The following MAP3K5 variants were observed in gnomAD, a reference collection of about 807,000 sequenced individuals.
The protein encoded by MAP3K5 is mitogen-activated protein kinase kinase kinase 5.
Under a neutral mutation model 158.7 loss-of-function variants are expected in MAP3K5, and 56 were observed. The ratio of observed to expected loss-of-function variants is 0.35; its 90% CI spans 0.28 to 0.44. MAP3K5 has a LOEUF of 0.44. MAP3K5 is among the 20% of genes least tolerant of loss of function. The pLI, the probability that MAP3K5 is intolerant of heterozygous loss-of-function variation, is 1.00. For synonymous variants in MAP3K5, 579 were observed against 601.7 expected (o/e 0.96, Z 0.55); for missense variants, 1,294 against 1,674.8 (o/e 0.77, Z 3.97).
At chr6:136,621,261 T>C (rs1776787995) in intron 15 of MAP3K5, among the ~76,000 whole-genome samples, 1 of 152,194 alleles carries the variant, frequency 6.6e-6, no homozygotes, top group Non-Finnish European at 1.5e-5. Flanking sequence ...CTGTTTTTGA[T>C]CTCCAGCATT....
intron 21 of MAP3K5, chr6:136,592,877 T>C (rs1386405126): frequency 7.5e-6 from 4 of 535,114 alleles, no homozygotes; most frequent in Non-Finnish European, 1.1e-5. Flanking sequence ...GAAGCCCAAG[T>C]TCAGTGGGTC....
intron 13 of MAP3K5, among the ~76,000 whole-genome samples, chr6:136,637,750 C>A (rs1419003535): frequency 6.6e-6 from 1 of 151,920 alleles, no homozygotes; most frequent in Admixed American, 6.6e-5. Flanking sequence ...TGTGACTAGG[C>A]CATTCAGAGA....
At chr6:136,719,795 C>A (rs749700346) in intron 2 of MAP3K5, among the ~76,000 whole-genome samples, 1 of 152,126 alleles carries the variant, frequency 6.6e-6, no homozygotes, top group South Asian at 2.1e-4. Flanking sequence ...GCTCAGCATG[C>A]GATTCACTGA....
At chr6:136,633,303 G>C (rs1161643217) in intron 14 of MAP3K5, among the ~76,000 whole-genome samples, 1 of 152,084 alleles carries the variant, frequency 6.6e-6, no homozygotes, top group East Asian at 1.9e-4. Flanking sequence ...AGAGGCTGCG[G>C]TGGGAGCACT....
At chr6:136,602,030 GC>G in intron 19 of MAP3K5, 51 bp from the exon 20 acceptor site, 2 of 1,468,642 alleles carry the variant, frequency 1.4e-6, no homozygotes, top group South Asian at 2.4e-5. Flanking sequence ...GAACATCTCA[GC>G]ACCTGAACTC....
Position 136,739,131 on chromosome 6 carries a change from C to T in MAP3K5, c.449-18542G>A, listed in dbSNP as rs7770539. 9.0e-3 allele frequency among the ~76,000 whole-genome samples: 1,374 copies of T among 152,250 alleles called. 15 individuals are homozygous for T. The highest frequency in any genetic ancestry group is 0.03 in the African/African-American group (1,263 of 41,516). On this transcript the variant is annotated intron_variant, in intron 1 of 29. Transcript: ENST00000359015. ...AGACAGAACTGATTCGTCAGTGGAG[C>T]TCCCCTGACAAAGTAATGGTGTCTG...
chr6:136,777,112 A>G (rs1349986569), intron 1 of MAP3K5, among the ~76,000 whole-genome samples: 1 of 152,230 alleles, frequency 6.6e-6, no homozygotes, highest in Non-Finnish European at 1.5e-5. Context: ...CAGCAAGAAA[A>G]GTCAAGCCAA....
chr6:136,623,983 C>T (rs1776922535), intron 14 of MAP3K5, among the ~76,000 whole-genome samples: 2 of 152,120 alleles, frequency 1.3e-5, no homozygotes, highest in Admixed American at 6.6e-5. Context: ...CACCTGAGGT[C>T]AGGAGTTTGA....
At chr6:136,759,761 A>ATTTTTTTTTT (rs11317822) in intron 1 of MAP3K5, among the ~76,000 whole-genome samples, 1 of 99,934 alleles carries the variant, frequency 1.0e-5, no homozygotes, top group Non-Finnish European at 2.0e-5. Flanking sequence ...CCAGCCCTCT[A>ATTTTTTTTTT]TTTTTTTTTT....
intron 3 of MAP3K5, among the ~76,000 whole-genome samples, chr6:136,701,164 T>C (rs1780838390): frequency 6.6e-6 from 1 of 152,178 alleles, no homozygotes; most frequent in African/African-American, 2.4e-5. Flanking sequence ...CTAGATGGCA[T>C]GTCCTTCCCA....
intron 23 of MAP3K5, among the ~76,000 whole-genome samples, chr6:136,587,584 C>G (rs1378354753): frequency 2.0e-5 from 3 of 152,138 alleles, no homozygotes; most frequent in Admixed American, 2.0e-4. Flanking sequence ...TCTACTGCCC[C>G]AATGACCTGC....
At chr6:136,670,059 AAACT>A (rs1779416946) in intron 7 of MAP3K5, among the ~76,000 whole-genome samples, 1 of 152,182 alleles carries the variant, frequency 6.6e-6, no homozygotes, top group South Asian at 2.1e-4. Context: ...AAAATGAAAT[AAACT>A]GTCAATTATA....
intron 14 of MAP3K5, among the ~76,000 whole-genome samples, chr6:136,626,450 G>C (rs1777041406): frequency 6.6e-6 from 1 of 152,166 alleles, no homozygotes; most frequent in South Asian, 2.1e-4. Flanking sequence ...AGAGTGACCA[G>C]GTGATAGGTG....
At chr6:136,686,096 A>C (rs1780134622) in intron 7 of MAP3K5, among the ~76,000 whole-genome samples, 1 of 152,250 alleles carries the variant, frequency 6.6e-6, no homozygotes, top group African/African-American at 2.4e-5. Context: ...TTAGTGTTAA[A>C]TAGGACAAAT....
chr6:136,641,039 A>G (rs1359858849), intron 12 of MAP3K5, among the ~76,000 whole-genome samples: 2 of 152,238 alleles, frequency 1.3e-5, no homozygotes, highest in Non-Finnish European at 2.9e-5. Flanking sequence ...AGATATGATA[A>G]AGTGAAATTT....
intron 15 of MAP3K5, among the ~76,000 whole-genome samples, chr6:136,619,520 C>A (rs1217160484): frequency 6.6e-6 from 1 of 152,204 alleles, no homozygotes; most frequent in Admixed American, 6.5e-5. Context: ...CACACATGCA[C>A]AACCTCCCCC....
In MAP3K5 at chr6:136,637,395, A is replaced by G. The variant is rs1777690211; in HGVS notation, c.1946T>C (p.Met649Thr). 4 of 1,602,122 alleles carry G rather than the reference A, an allele frequency of 2.5e-6. No individual in the cohort carries two copies. Among genetic ancestry groups the G allele is most frequent in the Non-Finnish European group, 3.4e-6 (4 of 1,169,062 alleles). The change falls in exon 14 of 30, where the codon ATG becomes ACG. Residue 649 changes from methionine to threonine, a missense_variant. Met to Thr is a moderately conservative substitution (Grantham distance 81). Coordinates refer to ENST00000359015, the MANE Select transcript of MAP3K5 (RefSeq NM_005923.4). ...TELHCKKFFE[M>T]VNTITEEKGR... is the part of the protein sequence containing the mutation. ...CTTCTCTTCGGTAATGGTGTTCACC[A>G]TCTCAAAAAACCTACAATACAAGTT... is the stretch of plus-strand genomic sequence containing the variant.
intron 1 of MAP3K5, among the ~76,000 whole-genome samples, chr6:136,749,199 C>G (rs1489099319): frequency 6.6e-6 from 1 of 151,890 alleles, no homozygotes; most frequent in Non-Finnish European, 1.5e-5. Context: ...ATGGTGAAAC[C>G]CCATCTCTAC....
intron 1 of MAP3K5, among the ~76,000 whole-genome samples, chr6:136,769,666 C>A (rs1033635484): frequency 6.8e-5 from 10 of 148,112 alleles, no homozygotes; most frequent in Non-Finnish European, 1.0e-4. Context: ...ATCACATTCA[C>A]TTTTTATCCC....
Sources: gnomAD v4.1 joint callset for allele counts (sites outside exome capture counted in the v4.1 genomes callset) on GRCh38, gnomAD v4.1.1 for gene constraint, MANE v1.5 for transcripts, NCBI Gene and HGNC (gene_info 2026-07-23, HGNC 2026-07-21) for gene names.